Variants in KCNQ1 observed in about 807,000 individuals in gnomAD.
The protein encoded by KCNQ1 is potassium voltage-gated channel subfamily Q member 1, also known as potassium voltage-gated channel subfamily KQT member 1.
Under a neutral mutation model 72.4 loss-of-function variants are expected in KCNQ1, and 49 were observed. That is an observed-to-expected ratio of 0.68 (90% CI 0.54 to 0.86). The LOEUF (loss-of-function observed/expected upper bound fraction) is 0.86. KCNQ1 is among the 40% of genes least tolerant of loss of function. KCNQ1 has a pLI of 0.00. For missense variants in KCNQ1, 790 were observed against 945.1 expected (o/e 0.84, Z 2.15); for synonymous variants, 450 against 412.6 (o/e 1.09, Z -1.10).
chr11:2,502,043 C>A (rs925862635), intron 1 of KCNQ1, among the ~76,000 whole-genome samples: 1 of 151,086 alleles, frequency 6.6e-6, no homozygotes, highest in Non-Finnish European at 1.5e-5. Flanking sequence ...AAGGAACATA[C>A]CTCAACATAA....
chr11:2,749,067 C>T (rs1358168581), intron 11 of KCNQ1, among the ~76,000 whole-genome samples: 1 of 152,236 alleles, frequency 6.6e-6, no homozygotes, highest in Non-Finnish European at 1.5e-5. Context: ...AAAAGTAACT[C>T]TGAAACCTGG....
At chr11:2,622,155 A>G (rs1465181916) in intron 10 of KCNQ1, 1 of 398,328 alleles carries the variant, frequency 2.5e-6, no homozygotes, top group Non-Finnish European at 4.4e-6. Context: ...TACGTTATTG[A>G]AGTCCCTAAG....
In KCNQ1 at chr11:2,725,191, G is replaced by A. The variant is rs545567061; in HGVS notation, c.1515-43653G>A. 1.8e-4 allele frequency among the ~76,000 whole-genome samples: 28 copies of A among 152,304 alleles called. No homozygotes were observed. The South Asian group carries it at 3.3e-3, about 18-fold the overall frequency. Reference sequence around the variant, plus strand: ...GACGTGGAGACAGGAGGAAGCCGACGGCCATCTGTGCTCAGACCCAGTGGT... The same window carrying A: ...GACGTGGAGACAGGAGGAAGCCGACAGCCATCTGTGCTCAGACCCAGTGGT... On this transcript the variant is annotated intron_variant, in intron 11 of 15. Transcript: ENST00000155840. The surrounding 1 kb of genome is among the most constrained non-coding windows in gnomAD (Gnocchi z 7.2).
At position 2,561,809 on chromosome 11, in the gene KCNQ1, C is replaced by T. The variant is rs1210155836; in HGVS notation, c.478-8819C>T. On this transcript the variant is annotated intron_variant, in intron 2 of 15. Coordinates refer to ENST00000155840, the MANE Select transcript of KCNQ1 (RefSeq NM_000218.3). ...GCTAGCTGTGCAGGGGCCCAGAAGC[C>T]CTCCCCTCCGAGGAGGTGGGCCTGT... Among the ~76,000 whole-genome samples the T allele has an allele frequency of 4.6e-5, 7 of 152,334 alleles. No individual in the cohort carries two copies. In the East Asian group the frequency reaches 7.7e-4, roughly 17 times the overall value.
intron 11 of KCNQ1, among the ~76,000 whole-genome samples, chr11:2,728,357 C>T (rs11023925): frequency 0.16 from 24,007 of 152,290 alleles, 2,073 homozygotes; most frequent in African/African-American, 0.17. Flanking sequence ...CCGGCGCCAG[C>T]CCTCAGGGGA....
At chr11:2,842,683 C>T (rs1848237826) in intron 15 of KCNQ1, among the ~76,000 whole-genome samples, 1 of 152,218 alleles carries the variant, frequency 6.6e-6, no homozygotes, top group South Asian at 2.1e-4. Context: ...GTGGGCTCAC[C>T]TAGCATGCCT....
At chr11:2,689,419 G>A (rs1850552056) in intron 11 of KCNQ1, 7 of 398,694 alleles carry the variant, frequency 1.8e-5, no homozygotes, top group Admixed American at 4.4e-5. Flanking sequence ...GGGGAGCATA[G>A]GGGAGGAGGA....
rs956002776 is a variant in KCNQ1 at position 2,725,932 on chromosome 11, A to G, written c.1515-42912A>G. Among the ~76,000 whole-genome samples the G allele has an allele frequency of 1.3e-5, 2 of 152,004 alleles. No homozygotes were observed. Among genetic ancestry groups the G allele is most frequent in the African/African-American group, 4.8e-5 (2 of 41,378 alleles). On this transcript the variant is annotated intron_variant, in intron 11 of 15. Coordinates refer to ENST00000155840, the MANE Select transcript of KCNQ1 (RefSeq NM_000218.3). This position sits in a 1 kb window ranked among gnomAD's most constrained non-coding sequence, Gnocchi z 7.2. ...CTCAGATTCTGCTGAACTAACTGAA[A>G]CCCTAACCTTCGGGCTTCCCCACTA...
At chr11:2,521,234 C>T (rs558333986) in intron 1 of KCNQ1, among the ~76,000 whole-genome samples, 5 of 152,248 alleles carry the variant, frequency 3.3e-5, no homozygotes, top group East Asian at 1.9e-4. Flanking sequence ...TCCCCGGCCC[C>T]GCCATCCTGC....
Position 2,657,849 on chromosome 11 carries a change from C to T in KCNQ1, c.1394-4112C>T, listed in dbSNP as rs1029539169. The T allele has an allele frequency of 5.0e-6, 2 of 398,404 alleles. No homozygotes were observed. Among genetic ancestry groups the T allele is most frequent in the Non-Finnish European group, 8.8e-6 (2 of 226,058 alleles). The allele number at this position is 398,404 out of a possible 1,614,324, so 24.7% of individuals were successfully genotyped here. ...GTCTGGTGTTTTCTCAGGACTAGAC[C>T]AGGGTTATAGGTTTAGGGGAAGGAG... On this transcript the variant is annotated intron_variant, in intron 10 of 15. Transcript: ENST00000155840. This position sits in a 1 kb window ranked among gnomAD's most constrained non-coding sequence, Gnocchi z 4.8.
At chr11:2,666,935 T>G in intron 11 of KCNQ1, 1 of 398,612 alleles carries the variant, frequency 2.5e-6, no homozygotes, top group Non-Finnish European at 4.4e-6. Context: ...CCAGACCACC[T>G]CTGTCTGCAC....
At chr11:2,732,717 C>T (rs977666177) in intron 11 of KCNQ1, among the ~76,000 whole-genome samples, 7 of 152,336 alleles carry the variant, frequency 4.6e-5, no homozygotes, top group East Asian at 1.9e-4. Flanking sequence ...CTCACCGGGC[C>T]GGCGCACACA....
chr11:2,521,718 T>A (rs921825327), intron 1 of KCNQ1: 5 of 346,622 alleles, frequency 1.4e-5, no homozygotes, highest in African/African-American at 1.1e-4. Context: ...ACGCCCCCCA[T>A]GGGCTAAAGA....
In KCNQ1 at chr11:2,674,987, G is replaced by A. The variant is rs1009538910; in HGVS notation, c.1514+12906G>A. The A allele has an allele frequency of 1.8e-5, 7 of 398,430 alleles. No homozygotes were observed. Among genetic ancestry groups the A allele is most frequent in the East Asian group, 7.1e-5 (2 of 28,088 alleles). The allele number at this position is 398,430 out of a possible 1,614,324, so 24.7% of individuals were successfully genotyped here. A position where few individuals can be genotyped will look rare whatever the true frequency, so the allele number is the denominator to read the frequency against. The stretch of plus-strand genomic sequence containing the variant: ...TCTCTTCGTTTCCTCTTACAGTGGC[G>A]GGCACTCAGCCGGCTTCTTCCCGCC... On this transcript the variant is annotated intron_variant, in intron 11 of 15. Coordinates refer to ENST00000155840, the MANE Select transcript of KCNQ1 (RefSeq NM_000218.3). This position sits in a 1 kb window ranked among gnomAD's most constrained non-coding sequence, Gnocchi z 5.9.
chr11:2,609,494 A>G lies in KCNQ1; in HGVS notation c.1393+20640A>G, dbSNP rs566148304. ...TGCACTTGAAAATACTGTATATTCAATGTTGGTTGTTGGGCGAAGTGCTCT... is the reference window on the plus strand; with the variant it reads ...TGCACTTGAAAATACTGTATATTCAGTGTTGGTTGTTGGGCGAAGTGCTCT... On this transcript the variant is annotated intron_variant, in intron 10 of 15. Transcript: ENST00000155840. 4.3e-4 allele frequency: 173 copies of G among 398,220 alleles called. No homozygotes were observed. Among genetic ancestry groups the G allele is most frequent in the Admixed American group, 6.6e-4 (15 of 22,718 alleles). The allele number at this position is 398,220 out of a possible 1,614,324, so 24.7% of individuals were successfully genotyped here.
intron 11 of KCNQ1, chr11:2,699,745 C>A (rs1386894981): frequency 1.1e-5 from 4 of 352,350 alleles, no homozygotes; most frequent in Non-Finnish European, 1.9e-5. Context: ...CGCCGAGGAG[C>A]CCCCAGAAGA....
chr11:2,646,990 C>G (rs904770514), intron 10 of KCNQ1: 28 of 398,314 alleles, frequency 7.0e-5, no homozygotes, highest in Non-Finnish European at 1.1e-4. Flanking sequence ...TTTTACTTGC[C>G]TAATTGTTCT....
chr11:2,448,723 T>G (rs1057508583), intron 1 of KCNQ1, among the ~76,000 whole-genome samples: 9 of 152,240 alleles, frequency 5.9e-5, no homozygotes, highest in African/African-American at 2.2e-4. Context: ...CCAGGAAAAC[T>G]GGGAATTCCT....
In KCNQ1 at chr11:2,626,137, C is replaced by G. The variant is rs765906849; in HGVS notation, c.1394-35824C>G. On this transcript the variant is annotated intron_variant, in intron 10 of 15. Coordinates refer to ENST00000155840, the MANE Select transcript of KCNQ1 (RefSeq NM_000218.3). This position sits in a 1 kb window ranked among gnomAD's most constrained non-coding sequence, Gnocchi z 4.0. Reference sequence around the variant, plus strand: ...CCTTTGGTGTCGCATACAAGAAGCACTGCCAATGATGTAAAGTTTTTCCCC... The same window carrying G: ...CCTTTGGTGTCGCATACAAGAAGCAGTGCCAATGATGTAAAGTTTTTCCCC... 8 of 398,302 alleles carry G rather than the reference C, an allele frequency of 2.0e-5. No homozygotes were observed. The highest frequency in any genetic ancestry group is 3.1e-5 in the Non-Finnish European group (7 of 226,068). 24.7% of individuals were successfully genotyped at this position (398,302 alleles called of 1,614,324 possible).
Sources: gnomAD v4.1 joint callset for allele counts (sites outside exome capture counted in the v4.1 genomes callset) on GRCh38, gnomAD v4.1.1 for gene constraint, Gnocchi (gnomAD v3.1) non-coding constraint, MANE v1.5 for transcripts, NCBI Gene and HGNC (gene_info 2026-07-23, HGNC 2026-07-21) for gene names.